Variants in DLGAP2 observed in about 807,000 individuals in gnomAD.
DLGAP2 encodes the protein disks large-associated protein 2.
DLGAP2 carries 26 observed loss-of-function variants against 100.3 expected under a neutral mutation model. That is an observed-to-expected ratio of 0.26 (90% CI 0.19 to 0.36). The LOEUF is 0.36. Among genes scored for constraint, DLGAP2 ranks in the 10% least tolerant of loss-of-function variants. DLGAP2 has a pLI of 1.00. For synonymous variants in DLGAP2, 886 were observed against 630.1 expected, an observed-to-expected ratio of 1.41 and a Z score of -6.08; for missense variants, 1,858 against 1,453.2, an observed-to-expected ratio of 1.28 and a Z score of -4.53.
chr8:1,205,356 A>G (rs1797968097), intron 2 of DLGAP2, among the ~76,000 whole-genome samples: 1 of 152,022 alleles, frequency 6.6e-6, no homozygotes, highest in Non-Finnish European at 1.5e-5. Flanking sequence ...ATTTGAGAAA[A>G]GGAAGGGTCC....
intron 2 of DLGAP2, among the ~76,000 whole-genome samples, chr8:1,090,989 CT>C (rs1804161709): frequency 6.6e-6 from 1 of 152,122 alleles, no homozygotes; most frequent in Admixed American, 6.5e-5. Context: ...GAATTCTAAC[CT>C]CATCAGAACG....
intron 2 of DLGAP2, among the ~76,000 whole-genome samples, chr8:965,042 C>T (rs1276865982): frequency 6.7e-6 from 1 of 148,670 alleles, no homozygotes; most frequent in Non-Finnish European, 1.5e-5. Flanking sequence ...TGGCACTGTT[C>T]ACCACACAGA....
intron 3 of DLGAP2, among the ~76,000 whole-genome samples, chr8:1,354,600 C>T (rs1585292478): frequency 6.6e-6 from 1 of 151,618 alleles, no homozygotes; most frequent in East Asian, 1.9e-4. Flanking sequence ...GGTGGAAAGT[C>T]ACGGATGATG....
chr8:1,539,164 G>C (rs1336432778), intron 4 of DLGAP2, among the ~76,000 whole-genome samples: 2 of 152,086 alleles, frequency 1.3e-5, no homozygotes, highest in African/African-American at 4.8e-5. Context: ...GGGATTCCAG[G>C]CATGAGCCAC....
chr8:1,432,929 C>G (rs1281049707), intron 3 of DLGAP2, among the ~76,000 whole-genome samples: 1 of 152,134 alleles, frequency 6.6e-6, no homozygotes, highest in Non-Finnish European at 1.5e-5. Context: ...AGCATCGAGG[C>G]GCGGAGTTGC....
Position 1,464,268 on chromosome 8 carries a change from G to A in DLGAP2, c.107-37098G>A, listed in dbSNP as rs74449427. ...TTCCAGGACGGCTCCCTTCCAGGAC[G>A]GCACCCTTCCAGGACAACGCCCTTC... is the stretch of plus-strand genomic sequence containing the variant. On this transcript the variant is annotated intron_variant, in intron 3 of 14. Coordinates refer to ENST00000637795, the MANE Select transcript of DLGAP2 (RefSeq NM_001346810.2). Among the ~76,000 whole-genome samples, 82 of 33,480 alleles carry A rather than the reference G, an allele frequency of 2.4e-3. No individual in the cohort carries two copies. The East Asian group carries it at 0.032, about 13-fold the overall frequency. 22.0% of individuals were successfully genotyped at this position (33,480 alleles called of 152,430 possible).
intron 3 of DLGAP2, among the ~76,000 whole-genome samples, chr8:1,372,303 GGGACGCTGGTCACCGTGCTGCCAACACTA>G (rs1268404373): frequency 8.3e-5 from 11 of 133,290 alleles, no homozygotes; most frequent in African/African-American, 2.7e-4. Context: ...TGCCAACGCT[GGGACGCTGGTCACCGTGCTGCCAACACTA>G]GGACACTGTT....
intron 1 of DLGAP2, among the ~76,000 whole-genome samples, chr8:810,057 C>G (rs769349340): frequency 6.6e-6 from 1 of 152,230 alleles, no homozygotes; most frequent in African/African-American, 2.4e-5. Flanking sequence ...ATCAGCACGA[C>G]TGGGGGTGTG....
intron 1 of DLGAP2, among the ~76,000 whole-genome samples, chr8:831,207 CT>C (rs59545503): frequency 0.4 from 51,469 of 127,252 alleles, 11,355 homozygotes; most frequent in Admixed American, 0.56. Context: ...CCAGCAGTCA[CT>C]TTTTTTTTTT....
rs139068137 is a variant in DLGAP2, at chr8:1,119,996, G to A, written c.74-138855G>A. ...GAAAAGTGGGACTCAGCACTTTTAG[G>A]GCTGGGCTGAAAAATGAGTCTGCTG... On this transcript the variant is annotated intron_variant, in intron 2 of 14. Coordinates refer to ENST00000637795, the MANE Select transcript of DLGAP2 (RefSeq NM_001346810.2). Among the ~76,000 whole-genome samples the A allele has an allele frequency of 8.3e-3, 1,268 of 152,308 alleles. 18 individuals are homozygous for A. Among genetic ancestry groups the A allele is most frequent in the African/African-American group, 0.029 (1,187 of 41,554 alleles).
At chr8:1,485,576 C>G (rs1445502317) in intron 3 of DLGAP2, among the ~76,000 whole-genome samples, 1 of 152,228 alleles carries the variant, frequency 6.6e-6, no homozygotes. Context: ...GATGGCGACG[C>G]TGGTTTATCC....
At chr8:1,050,912 G>A (rs1485384048) in intron 2 of DLGAP2, among the ~76,000 whole-genome samples, 1 of 151,580 alleles carries the variant, frequency 6.6e-6, no homozygotes, top group Admixed American at 6.6e-5. Context: ...ATCGAGAGAG[G>A]CTGTCACGTG....
At chr8:1,510,269 C>G (rs1237954098) in intron 4 of DLGAP2, among the ~76,000 whole-genome samples, 1 of 152,200 alleles carries the variant, frequency 6.6e-6, no homozygotes, top group Non-Finnish European at 1.5e-5. Context: ...GTTTGGAGGT[C>G]AGCCTGTGGC....
chr8:1,591,496 G>A (rs1429846135), intron 6 of DLGAP2, among the ~76,000 whole-genome samples: 4 of 151,746 alleles, frequency 2.6e-5, no homozygotes, highest in African/African-American at 7.3e-5. Context: ...TTCTAACATG[G>A]AGAGATGGCT....
intron 3 of DLGAP2, among the ~76,000 whole-genome samples, chr8:1,285,544 C>G (rs1205238868): frequency 1.3e-5 from 2 of 152,116 alleles, no homozygotes; most frequent in African/African-American, 2.4e-5. Context: ...TAATAATAGT[C>G]CACTGCCCAC....
chr8:1,602,688 C>G (rs765800234), intron 6 of DLGAP2, among the ~76,000 whole-genome samples: 2 of 152,204 alleles, frequency 1.3e-5, no homozygotes. Context: ...CCAGGAGTGA[C>G]AGCAGTTTAT....
intron 3 of DLGAP2, among the ~76,000 whole-genome samples, chr8:1,340,871 G>T (rs1312617841): frequency 6.6e-6 from 1 of 152,168 alleles, no homozygotes; most frequent in Admixed American, 6.5e-5. Context: ...AGAAAATGTG[G>T]TATATGTACA....
intron 1 of DLGAP2, among the ~76,000 whole-genome samples, chr8:905,221 T>C (rs1170640025): frequency 6.6e-6 from 1 of 152,104 alleles, no homozygotes; most frequent in African/African-American, 2.4e-5. Context: ...GGGTGGGCAC[T>C]GTGTTTGTGG....
intron 3 of DLGAP2, among the ~76,000 whole-genome samples, chr8:1,284,926 G>T (rs987850685): frequency 6.6e-6 from 1 of 152,138 alleles, no homozygotes; most frequent in Non-Finnish European, 1.5e-5. Flanking sequence ...CCTTTACTTT[G>T]TTTTTGCCTG....
Sources: gnomAD v4.1 joint callset for allele counts (sites outside exome capture counted in the v4.1 genomes callset) on GRCh38, gnomAD v4.1.1 for gene constraint, MANE v1.5 for transcripts, NCBI Gene and HGNC (gene_info 2026-07-23, HGNC 2026-07-21) for gene names.